Variants in SLC41A1 observed in about 807,000 individuals in gnomAD.
SLC41A1 encodes solute carrier family 41 member 1, also known as solute carrier family 41 (magnesium transporter), member 1.
SLC41A1 carries 20 observed loss-of-function variants against 47.3 expected under a neutral mutation model. The ratio of observed to expected loss-of-function variants is 0.42; its 90% CI spans 0.30 to 0.61. The LOEUF (loss-of-function observed/expected upper bound fraction) is 0.61, where lower values mean the gene tolerates loss of function less well. SLC41A1 is among the 20% of genes least tolerant of loss of function. The probability of loss-of-function intolerance (pLI) is 0.17; values close to 1 mark genes in which losing one functional copy is unlikely to be tolerated. For synonymous variants in SLC41A1, 282 were observed against 272.7 expected, an observed-to-expected ratio of 1.03 and a Z score of -0.34; for missense variants, 504 against 674.1, an observed-to-expected ratio of 0.75 and a Z score of 2.79.
intron 2 of SLC41A1, among the ~76,000 whole-genome samples, chr1:205,802,715 T>C (rs906908738): frequency 1.1e-5 from 1 of 90,760 alleles, no homozygotes; most frequent in Non-Finnish European, 1.9e-5. Flanking sequence ...TGAAACTCTG[T>C]CTCAAAAATA....
chr1:205,799,897 C>T, intron 3 of SLC41A1, 67 bp from the exon 4 acceptor site: 1 of 1,398,164 alleles, frequency 7.2e-7, no homozygotes, highest in Non-Finnish European at 1.0e-6. Flanking sequence ...ATCCATTAGG[C>T]TCCTGCCTAG....
chr1:205,796,635 A>T, intron 8 of SLC41A1: 1 of 482,802 alleles, frequency 2.1e-6, no homozygotes, highest in Non-Finnish European at 3.8e-6. Context: ...GCCAGTTTCA[A>T]GTATTCTGTT....
chr1:205,791,771 C>A lies in SLC41A1; in HGVS notation c.1357-53G>T. The A allele has an allele frequency of 2.5e-6, 4 of 1,597,606 alleles. No homozygotes were observed. In the South Asian group the frequency reaches 3.4e-5, roughly 13 times the overall value. ...AGCCATCCTCTCTCTCCAGGGGGAG[C>A]CAGAGGCCACATGATCAGACCCATT... On this transcript the variant is annotated intron_variant, in intron 10 of 10. Transcript: ENST00000367137. This position sits in a 1 kb window ranked among gnomAD's most constrained non-coding sequence, Gnocchi z 4.0.
chr1:205,797,869 T>A, intron 7 of SLC41A1, 35 bp downstream of exon 7: 5 of 1,612,634 alleles, frequency 3.1e-6, no homozygotes, highest in Non-Finnish European at 3.4e-6. Flanking sequence ...AGGGTTGGAG[T>A]GGGGTAGGAG....
At chr1:205,799,467 T>G (rs1655820978) in intron 4 of SLC41A1, among the ~76,000 whole-genome samples, 1 of 152,250 alleles carries the variant, frequency 6.6e-6, no homozygotes, top group African/African-American at 2.4e-5. Context: ...GGGACAGCAG[T>G]GGCACAGGAC....
Position 205,812,151 on chromosome 1 carries a change from T to C in SLC41A1, c.-647+657A>G, listed in dbSNP as rs9919264. Among the ~76,000 whole-genome samples the C allele has an allele frequency of 7.4e-3, 1,134 of 152,252 alleles. 13 individuals carry two copies. Among genetic ancestry groups the C allele is most frequent in the African/African-American group, 0.025 (1,043 of 41,528 alleles). ...CCTGATGGACTCCCATCCTATTCCATTTCACCAGAAGAGCTCTTATTCGTA... is the reference window on the plus strand; with the variant it reads ...CCTGATGGACTCCCATCCTATTCCACTTCACCAGAAGAGCTCTTATTCGTA... On this transcript the variant is annotated intron_variant, in intron 1 of 10. Coordinates refer to ENST00000367137, the MANE Select transcript of SLC41A1 (RefSeq NM_173854.6).
intron 9 of SLC41A1, 33 bp from the exon 10 acceptor site, chr1:205,795,051 G>A (rs1285516314): frequency 6.2e-7 from 1 of 1,611,346 alleles, no homozygotes; most frequent in Non-Finnish European, 8.5e-7. Flanking sequence ...GTAAAGAGGA[G>A]GGGAGGAGAA....
At chr1:205,803,716 C>T (rs1558082287) in intron 2 of SLC41A1, among the ~76,000 whole-genome samples, 1 of 150,982 alleles carries the variant, frequency 6.6e-6, no homozygotes. Context: ...TGGCTTCGGG[C>T]TCCAGCCATC....
In SLC41A1 at chr1:205,796,940, G is replaced by A. The variant is rs1397661182; in HGVS notation, c.1056C>T (p.Phe352=). 1 of 1,613,052 alleles carries A rather than the reference G, an allele frequency of 6.2e-7. No homozygotes were observed. Among genetic ancestry groups the A allele is most frequent in the South Asian group, 1.1e-5 (1 of 90,684 alleles). ...AGACCTCACCATTAATCACAGGCGT[G>A]AAGACAGCCATCCCAGCAAAGTTGG... ...SDPNFAGMAV[F]TPVINGVGGN... Residue 352 remains phenylalanine, a synonymous_variant, in exon 8 of 11, where the codon TTC becomes TTT. Transcript: ENST00000367137.
Position 205,791,444 on chromosome 1 carries a change from GGAGTGT to G in SLC41A1, c.*83_*88del. On this transcript the variant is annotated 3_prime_UTR_variant, in exon 11 of 11. Transcript: ENST00000367137. This position sits in a 1 kb window ranked among gnomAD's most constrained non-coding sequence, Gnocchi z 4.0. Reference sequence around the variant, plus strand: ...CAAAGTGAAGTCCTAGAAAGAGGTGGGAGTGTGGGGTGGAGGAGGGACAGGGGAACA... The same window carrying G: ...CAAAGTGAAGTCCTAGAAAGAGGTGGGGGGTGGAGGAGGGACAGGGGAACA... 4 of 1,451,956 alleles carry G rather than the reference GGAGTGT, an allele frequency of 2.8e-6. No individual in the cohort carries two copies. Among genetic ancestry groups the G allele is most frequent in the Non-Finnish European group, 3.8e-6 (4 of 1,040,454 alleles). The allele number at this position is 1,451,956 out of a possible 1,614,324, so 89.9% of individuals were successfully genotyped here.
At chr1:205,811,287 T>C (rs1656149142) in intron 1 of SLC41A1, among the ~76,000 whole-genome samples, 200 bp from the exon 2 acceptor site, 1 of 152,000 alleles carries the variant, frequency 6.6e-6, no homozygotes, top group Admixed American at 6.6e-5. Context: ...ATCCCCGCCA[T>C]CCTCCCCACC....
intron 10 of SLC41A1, among the ~76,000 whole-genome samples, chr1:205,793,524 T>G (rs1571637951): frequency 6.6e-6 from 1 of 152,232 alleles, no homozygotes; most frequent in Non-Finnish European, 1.5e-5. Context: ...TGGCTGATTC[T>G]CAGCCCCGCC....
chr1:205,807,961 T>G (rs1656054051), intron 2 of SLC41A1, among the ~76,000 whole-genome samples: 1 of 135,252 alleles, frequency 7.4e-6, no homozygotes, highest in Non-Finnish European at 1.6e-5. Context: ...CCAGCCAGAG[T>G]TTTTTTTTTT....
intron 2 of SLC41A1, among the ~76,000 whole-genome samples, chr1:205,802,539 A>C (rs1253473856): frequency 1.3e-5 from 2 of 151,810 alleles, no homozygotes; most frequent in Non-Finnish European, 2.9e-5. Flanking sequence ...CAACATGGAG[A>C]AACCCCGTCT....
chr1:205,800,265 G>A (rs1655849578), intron 3 of SLC41A1, among the ~76,000 whole-genome samples: 1 of 152,206 alleles, frequency 6.6e-6, no homozygotes, highest in Non-Finnish European at 1.5e-5. Context: ...TGGGTGGCAT[G>A]GGCCAGAAGT....
intron 8 of SLC41A1, 155 bp from the exon 9 acceptor site, chr1:205,795,633 A>G: frequency 1.1e-6 from 1 of 918,866 alleles, no homozygotes; most frequent in South Asian, 1.5e-5. Context: ...CCAGTCCCCA[A>G]AAGAAGAGTA....
chr1:205,789,136 G>C lies in SLC41A1; in HGVS notation c.*2397C>G, dbSNP rs1655555049. The C allele has an allele frequency of 6.6e-6, 1 of 152,176 alleles. No homozygotes were observed. The highest frequency in any genetic ancestry group is 2.4e-5 in the African/African-American group (1 of 41,438). The allele number at this position is 152,176 out of a possible 1,614,324, so 9.4% of individuals were successfully genotyped here. On this transcript the variant is annotated 3_prime_UTR_variant, in exon 11 of 11. Coordinates refer to ENST00000367137, the MANE Select transcript of SLC41A1 (RefSeq NM_173854.6). ...TTATTTTACCAAATATAATTTATCA[G>C]TTAAGTTGACATTTGTCAATTCAGT...
At chr1:205,812,250 T>C (rs1196154555) in intron 1 of SLC41A1, among the ~76,000 whole-genome samples, 2 of 152,126 alleles carry the variant, frequency 1.3e-5, no homozygotes, top group African/African-American at 4.8e-5. Flanking sequence ...ACACAATTAG[T>C]CAAGTTCAGT....
rs1299405453 is a variant in SLC41A1 at position 205,795,698 on chromosome 1, C to T, written c.1073-220G>A. On this transcript the variant is annotated intron_variant, in intron 8 of 10. Coordinates refer to ENST00000367137, the MANE Select transcript of SLC41A1 (RefSeq NM_173854.6). The stretch of plus-strand genomic sequence containing the variant: ...GCTTCCAGTGCATCTTCCAGCCTCC[C>T]CCATCCTCCCCTCTATGGAGATGCA... The T allele has an allele frequency of 4.8e-6, 3 of 624,016 alleles. No individual in the cohort carries two copies. The African/African-American group carries it at 5.5e-5, about 11-fold the overall frequency. 38.7% of individuals were successfully genotyped at this position (624,016 alleles called of 1,614,324 possible).
Sources: gnomAD v4.1 joint callset for allele counts (sites outside exome capture counted in the v4.1 genomes callset) on GRCh38, gnomAD v4.1.1 for gene constraint, Gnocchi (gnomAD v3.1) non-coding constraint, MANE v1.5 for transcripts, NCBI Gene and HGNC (gene_info 2026-07-23, HGNC 2026-07-21) for gene names.